DEF8: variants seen among roughly 807,000 people sequenced by gnomAD.
DEF8 encodes the protein DEF-8.
A neutral mutation model predicts 59.1 loss-of-function variants in DEF8; 38 were observed. That is an observed-to-expected ratio of 0.64 (90% CI 0.50 to 0.84). DEF8 has a LOEUF of 0.84. Ranked by LOEUF, DEF8 falls within the 40% of genes least tolerant of loss-of-function variation. The pLI, the probability that DEF8 is intolerant of heterozygous loss-of-function variation, is 0.00. For missense variants in DEF8, 557 were observed against 615.2 expected (o/e 0.91, Z 1.00); for synonymous variants, 265 against 250.1 (o/e 1.06, Z -0.56).
At position 89,954,858 on chromosome 16, in the gene DEF8, G is replaced by A. The variant is rs1233649476; in HGVS notation, c.125-311G>A. On this transcript the variant is annotated intron_variant, in intron 3 of 12. Coordinates refer to ENST00000563594, the MANE Select transcript of DEF8 (RefSeq NM_001242818.2). This position sits in a 1 kb window ranked among gnomAD's most constrained non-coding sequence, Gnocchi z 4.3. Reference sequence around the variant, plus strand: ...GCAGTGGTTTTTCTCTCGCCCCCGTGGTCACGCATGAGGTGTCCACCTTAG... The same window carrying A: ...GCAGTGGTTTTTCTCTCGCCCCCGTAGTCACGCATGAGGTGTCCACCTTAG... Among the ~76,000 whole-genome samples the A allele has an allele frequency of 6.6e-6, 1 of 152,124 alleles. No individual in the cohort carries two copies. Among genetic ancestry groups the A allele is most frequent in the Non-Finnish European group, 1.5e-5 (1 of 68,014 alleles).
At chr16:89,949,282 T>C (rs2031487837) in intron 1 of DEF8, 135 bp from the exon 2 acceptor site, 2 of 740,070 alleles carry the variant, frequency 2.7e-6, no homozygotes, top group African/African-American at 3.6e-5. Flanking sequence ...CCTGGGCTGC[T>C]CCGAGCCTCA....
intron 3 of DEF8, 137 bp from the exon 4 acceptor site, chr16:89,955,032 C>A: frequency 1.5e-6 from 1 of 646,080 alleles, no homozygotes. Context: ...CTGAGTGGTG[C>A]CCAGCTCTCA....
At chr16:89,959,236 G>A in intron 6 of DEF8, 81 bp downstream of exon 6, 1 of 1,596,120 alleles carries the variant, frequency 6.3e-7, no homozygotes, top group East Asian at 2.3e-5. Flanking sequence ...TCAGATGTGA[G>A]CTATCCAGTG....
chr16:89,956,455 GA>G (rs1245001797), intron 4 of DEF8: 132 of 138,988 alleles, frequency 9.5e-4, no homozygotes, highest in Middle Eastern at 3.6e-3. Flanking sequence ...GACTCCGTCT[GA>G]AAAAAAAAAA....
rs1239584887 is a variant in DEF8 at position 89,960,926 on chromosome 16, C to A, written c.515-5C>A. On this transcript the variant is annotated splice_polypyrimidine_tract_variant and splice_region_variant and intron_variant, in intron 6 of 12. Transcript: ENST00000563594. The stretch of plus-strand genomic sequence containing the variant: ...TTTTGAGAAGTGTGTGTCCCTCCAC[C>A]CTAGGGTGTTATTACCGCTGTCACA... 10 of 1,612,860 alleles carry A rather than the reference C, an allele frequency of 6.2e-6. No homozygotes were observed. Among genetic ancestry groups the A allele is most frequent in the Non-Finnish European group, 8.5e-6 (10 of 1,179,654 alleles).
rs1349513877 is a variant in DEF8, at chr16:89,967,003, C to T, written c.*1040C>T. ...ATCAGGGCAGGCGTGTGGGAGGTCC[C>T]TCACTCCACGGGACAGAGGCCCCTG... is the stretch of plus-strand genomic sequence containing the variant. On this transcript the variant is annotated 3_prime_UTR_variant, in exon 13 of 13. Coordinates refer to ENST00000563594, the MANE Select transcript of DEF8 (RefSeq NM_001242818.2). 3.1e-6 allele frequency: 1 copy of T among 326,822 alleles called. No individual in the cohort carries two copies. Among genetic ancestry groups the T allele is most frequent in the Non-Finnish European group, 5.5e-6 (1 of 180,754 alleles). 20.2% of individuals were successfully genotyped at this position (326,822 alleles called of 1,614,324 possible).
chr16:89,963,282 G>A (rs1352873297), intron 9 of DEF8, 81 bp from the exon 10 acceptor site: 25 of 1,245,382 alleles, frequency 2.0e-5, no homozygotes, highest in South Asian at 1.9e-4. Flanking sequence ...TGGCCCTGCC[G>A]TGGCCCCGGG....
chr16:89,964,180 G>A lies in DEF8; in HGVS notation c.1013G>A (p.Arg338Gln), dbSNP rs2034388432. 10 of 1,613,750 alleles carry A rather than the reference G, an allele frequency of 6.2e-6. No individual in the cohort carries two copies. Among genetic ancestry groups the A allele is most frequent in the Admixed American group, 1.7e-5 (1 of 60,012 alleles). Residue 338 changes from arginine (R) to glutamine (Q), a missense_variant, in exon 11 of 13, where the codon CGG (arginine) becomes CAG (glutamine). By Grantham distance (43) the Arg-to-Gln change is conservative (BLOSUM62 1). Transcript: ENST00000563594. ...EARLLLQLQD[R>Q]QHFVENDEMY... ...GCTGGGACTTGGCAGCTCCAGGATC[G>A]GCAGCATTTTGTGGAGAACGACGAG...
chr16:89,965,496 G>A (rs993057253), intron 12 of DEF8, among the ~76,000 whole-genome samples: 2 of 152,162 alleles, frequency 1.3e-5, no homozygotes, highest in Non-Finnish European at 2.9e-5. Context: ...ACTAGGCTGC[G>A]GTGCCCCAGG....
chr16:89,962,154 C>A (rs548904432), intron 9 of DEF8, 29 bp downstream of exon 9: 2 of 1,584,706 alleles, frequency 1.3e-6, no homozygotes, highest in South Asian at 1.1e-5. Flanking sequence ...AAGTGGGGGG[C>A]GGGGGCGCTG....
At position 89,967,096 on chromosome 16, in the gene DEF8, C is replaced by T; in HGVS notation, c.*1133C>T. ...GCTTTGGTGTTTGCACTTTACAGAT[C>T]CTGCGGTCCACGAGGGGCCTCAGGA... is the stretch of plus-strand genomic sequence containing the variant. On this transcript the variant is annotated 3_prime_UTR_variant, in exon 13 of 13. Coordinates refer to ENST00000563594, the MANE Select transcript of DEF8 (RefSeq NM_001242818.2). 2.5e-6 allele frequency: 1 copy of T among 393,796 alleles called. No individual in the cohort carries two copies. The allele number at this position is 393,796 out of a possible 1,614,324, so 24.4% of individuals were successfully genotyped here.
Position 89,961,780 on chromosome 16 carries a change from G to A in DEF8, c.723G>A (p.Gln241=), listed in dbSNP as rs1355918233. The A allele has an allele frequency of 6.2e-7, 1 of 1,613,400 alleles. No homozygotes were observed. Among genetic ancestry groups the A allele is most frequent in the Non-Finnish European group, 8.5e-7 (1 of 1,179,986 alleles). ...CCAGGCAGTGCGACTACACCGGCCA[G>A]TACTACTGCAGCCACTGCCACTGGA... ...SEARQCDYTG[Q]YYCSHCHWND... Residue 241 remains glutamine (Q), a synonymous_variant, in exon 8 of 13, where the codon CAG becomes CAA. Coordinates refer to ENST00000563594, the MANE Select transcript of DEF8 (RefSeq NM_001242818.2).
intron 3 of DEF8, 52 bp from the exon 4 acceptor site, chr16:89,955,117 G>C (rs1438787431): frequency 1.4e-6 from 2 of 1,427,102 alleles, no homozygotes; most frequent in African/African-American, 2.8e-5. Context: ...CTAGGGGATG[G>C]GAGGCAGGAG....
intron 1 of DEF8, 118 bp from the exon 2 acceptor site, chr16:89,949,299 C>G: frequency 1.2e-6 from 1 of 842,342 alleles, no homozygotes; most frequent in Non-Finnish European, 1.8e-6. Context: ...CTCAGTTTCC[C>G]CCTCGGTGGA....
chr16:89,963,935 G>A, intron 10 of DEF8: 1 of 622,798 alleles, frequency 1.6e-6, no homozygotes, highest in South Asian at 1.7e-5. Context: ...GTGTGGCTGG[G>A]AGGGGCTGCC....
intron 2 of DEF8, chr16:89,950,095 C>T: frequency 1.0e-6 from 1 of 990,466 alleles, no homozygotes; most frequent in African/African-American, 1.7e-5. Flanking sequence ...GCCTAGAGTA[C>T]AGCTGCTGGG....
chr16:89,949,736 G>C (rs2031626114), intron 2 of DEF8: 5 of 1,211,446 alleles, frequency 4.1e-6, no homozygotes, highest in Non-Finnish European at 5.7e-6. Context: ...GCTAAGTTGT[G>C]GGGTCCTCCC....
chr16:89,957,698 G>A, intron 5 of DEF8, 38 bp downstream of exon 5: 1 of 1,512,100 alleles, frequency 6.6e-7, no homozygotes, highest in East Asian at 2.5e-5. Flanking sequence ...GCAGCCTGGG[G>A]CCGAGGCCAG....
intron 6 of DEF8, among the ~76,000 whole-genome samples, chr16:89,959,800 G>A (rs575026803): frequency 6.6e-6 from 1 of 152,194 alleles, no homozygotes; most frequent in Non-Finnish European, 1.5e-5. Flanking sequence ...CCCAGCCGGC[G>A]TCACGTGACT....
Sources: gnomAD v4.1 joint callset for allele counts (sites outside exome capture counted in the v4.1 genomes callset) on GRCh38, gnomAD v4.1.1 for gene constraint, Gnocchi (gnomAD v3.1) non-coding constraint, MANE v1.5 for transcripts, NCBI Gene and HGNC (gene_info 2026-07-23, HGNC 2026-07-21) for gene names.